Variants in RAB36 observed in about 807,000 individuals in gnomAD.
The protein encoded by RAB36 is RAB36, member RAS oncogene family.
Under a neutral mutation model 39.3 loss-of-function variants are expected in RAB36, and 33 were observed. The observed-to-expected ratio is 0.84, with a 90% CI of 0.64 to 1.12. The LOEUF (loss-of-function observed/expected upper bound fraction) is 1.12. Ranked by LOEUF, RAB36 falls within the 50% of genes most tolerant of loss-of-function variation. The pLI, the probability that RAB36 is intolerant of heterozygous loss-of-function variation, is 0.00. For synonymous variants in RAB36, 133 were observed against 140.2 expected (o/e 0.95, Z 0.36); for missense variants, 308 against 355.3 (o/e 0.87, Z 1.07).
At chr22:23,145,666 A>C in intron 1 of RAB36, 115 bp downstream of exon 1, 7 of 1,216,316 alleles carry the variant, frequency 5.8e-6, no homozygotes, top group Non-Finnish European at 7.8e-6. Context: ...CGCCCCTATA[A>C]CTTGAAAGCG....
Position 23,164,821 on chromosome 22 carries a change from C to T in RAB36, c.*3257C>T, listed in dbSNP as rs2146620935. Among the ~76,000 whole-genome samples the T allele has an allele frequency of 6.6e-6, 1 of 152,284 alleles. No individual in the cohort carries two copies. The highest frequency in any genetic ancestry group is 3.4e-3 in the Middle Eastern group (1 of 292). ...GACACGTACCTGAAGCAGGTCCTCTCCTGTCACTTCCTGGCTCCCCAGGGC... is the reference window on the plus strand; with the variant it reads ...GACACGTACCTGAAGCAGGTCCTCTTCTGTCACTTCCTGGCTCCCCAGGGC... On this transcript the variant is annotated 3_prime_UTR_variant, in exon 11 of 11. Transcript: ENST00000263116.
In RAB36 at chr22:23,164,355, A is replaced by G. The variant is rs11704318; in HGVS notation, c.*2791A>G. The G allele has an allele frequency of 3.2e-3, 481 of 152,312 alleles. 2 individuals are homozygous for G. The highest frequency in any genetic ancestry group is 6.9e-3 in the East Asian group (36 of 5,180). The allele number at this position is 152,312 out of a possible 1,614,324, so 9.4% of individuals were successfully genotyped here. On this transcript the variant is annotated 3_prime_UTR_variant, in exon 11 of 11. Coordinates refer to ENST00000263116, the MANE Select transcript of RAB36 (RefSeq NM_004914.5). ...AATCGTCCTCATATTACCTCCTGCAATGTGCCAGCTGATTCCCACACACCC... is the reference window on the plus strand; with the variant it reads ...AATCGTCCTCATATTACCTCCTGCAGTGTGCCAGCTGATTCCCACACACCC...
At chr22:23,165,962 T>C (rs377065632), downstream of RAB36, among the ~76,000 whole-genome samples, 87 of 152,044 alleles carry the variant, frequency 5.7e-4, no homozygotes, top group South Asian at 1.9e-3. Context: ...CTGGCTAACA[T>C]GGTGAAACCC....
At chr22:23,152,638 A>G in intron 4 of RAB36, 112 bp downstream of exon 4, 1 of 1,073,484 alleles carries the variant, frequency 9.3e-7, no homozygotes, top group Non-Finnish European at 1.4e-6. Context: ...GGCTTCCAGG[A>G]ACTGCTGTGC....
At position 23,150,152 on chromosome 22, in the gene RAB36, C is replaced by A. The variant is rs752563614; in HGVS notation, c.159C>A (p.Val53=). The A allele has an allele frequency of 3.9e-5, 63 of 1,609,450 alleles. No homozygotes were observed. The highest frequency in any genetic ancestry group is 5.3e-5 in the Non-Finnish European group (63 of 1,177,782). The change falls in exon 3 of 11, where the codon GTC becomes GTA. Residue 53 remains valine, a splice_region_variant and synonymous_variant. Transcript: ENST00000263116. The part of the protein sequence containing the change: ...AACQRRNTGT[V]GLKLSKVVVV... ...GCCAACGCAGGAACACGGGGACTGT[C>A]GGGTGAGCCTGCAGGGTGTGGGATG... is the stretch of plus-strand genomic sequence containing the variant.
rs933687409 is a variant in RAB36 at position 23,161,789 on chromosome 22, C to T, written c.*225C>T. 114 of 550,118 alleles carry T rather than the reference C, an allele frequency of 2.1e-4. No homozygotes were observed. The highest frequency in any genetic ancestry group is 1.3e-3 in the East Asian group (42 of 31,664). 34.1% of individuals were successfully genotyped at this position (550,118 alleles called of 1,614,324 possible). A position where few individuals can be genotyped will look rare whatever the true frequency, so the allele number is the denominator to read the frequency against. Reference sequence around the variant, plus strand: ...GGCCCCCACTGGCTGCCTGGGAGCCCCACACCACCGGGCCAGTGCAGGCAC... The same window carrying T: ...GGCCCCCACTGGCTGCCTGGGAGCCTCACACCACCGGGCCAGTGCAGGCAC... On this transcript the variant is annotated 3_prime_UTR_variant, in exon 11 of 11. Transcript: ENST00000263116.
intron 9 of RAB36, among the ~76,000 whole-genome samples, chr22:23,159,914 C>T (rs1423993036): frequency 6.6e-6 from 1 of 152,234 alleles, no homozygotes; most frequent in Non-Finnish European, 1.5e-5. Context: ...CATCCATCTC[C>T]CTTTTTTGTG....
chr22:23,159,690 C>T (rs987813697), intron 9 of RAB36, among the ~76,000 whole-genome samples: 2 of 152,226 alleles, frequency 1.3e-5, no homozygotes, highest in African/African-American at 4.8e-5. Flanking sequence ...CTGCCTCTGG[C>T]CCTGAAATGC....
Position 23,161,902 on chromosome 22 carries a change from T to C in RAB36, c.*338T>C. 1 of 323,630 alleles carries C rather than the reference T, an allele frequency of 3.1e-6. No homozygotes were observed. The highest frequency in any genetic ancestry group is 5.8e-6 in the Non-Finnish European group (1 of 171,090). The allele number at this position is 323,630 out of a possible 1,614,324, so 20.0% of individuals were successfully genotyped here. A position where few individuals can be genotyped will look rare whatever the true frequency, so the allele number is the denominator to read the frequency against. ...AAGAGGCCTCAGAACTGCAAACTCC[T>C]GCGTCGGTCTATACTACTCGGCCAT... is the stretch of plus-strand genomic sequence containing the variant. On this transcript the variant is annotated 3_prime_UTR_variant, in exon 11 of 11. Transcript: ENST00000263116.
intron 2 of RAB36, among the ~76,000 whole-genome samples, chr22:23,146,996 C>G (rs1421748721): frequency 6.6e-6 from 1 of 152,196 alleles, no homozygotes; most frequent in Non-Finnish European, 1.5e-5. Context: ...TACTCAACCT[C>G]TCAGAGCCAC....
intron 2 of RAB36, among the ~76,000 whole-genome samples, chr22:23,149,551 G>T (rs546009027): frequency 6.6e-6 from 1 of 152,186 alleles, no homozygotes; most frequent in African/African-American, 2.4e-5. Flanking sequence ...AGAAGGTATG[G>T]ATTAGAGACA....
At chr22:23,147,809 T>G (rs887456427) in intron 2 of RAB36, among the ~76,000 whole-genome samples, 4 of 152,296 alleles carry the variant, frequency 2.6e-5, no homozygotes, top group Non-Finnish European at 5.9e-5. Context: ...TGAGGAAGAA[T>G]GAGGCAACCT....
chr22:23,145,522 G>T lies in RAB36; in HGVS notation c.-42G>T. 1 of 1,604,090 alleles carries T rather than the reference G, an allele frequency of 6.2e-7. No homozygotes were observed. On this transcript the variant is annotated 5_prime_UTR_variant, in exon 1 of 11. Coordinates refer to ENST00000263116, the MANE Select transcript of RAB36 (RefSeq NM_004914.5). ...CGCTGGCTCAGGCGGACCAGGCCGCGCGGAGCCCCAGCTTTCACAGCCATC... is the reference window on the plus strand; with the variant it reads ...CGCTGGCTCAGGCGGACCAGGCCGCTCGGAGCCCCAGCTTTCACAGCCATC...
chr22:23,159,829 C>T (rs1343476114), intron 9 of RAB36, among the ~76,000 whole-genome samples: 2 of 152,248 alleles, frequency 1.3e-5, no homozygotes, highest in Non-Finnish European at 2.9e-5. Context: ...TACCCCTGGC[C>T]ATACTGGGTC....
In RAB36 at chr22:23,153,033, G is replaced by T; in HGVS notation, c.228G>T (p.Arg76Ser). 1.2e-6 allele frequency: 2 copies of T among 1,613,292 alleles called. No homozygotes were observed. The highest frequency in any genetic ancestry group is 1.3e-5 in the African/African-American group (1 of 75,012). Residue 76 changes from arginine (R) to serine (S), a missense_variant and splice_region_variant, in exon 5 of 11, where the codon AGG becomes AGT. Physicochemically the swap from Arg to Ser is moderately radical, Grantham distance 110 (BLOSUM62 -1). Coordinates refer to ENST00000263116, the MANE Select transcript of RAB36 (RefSeq NM_004914.5). Reference sequence around the variant, plus strand: ...GTGACGACTTCCTCATCCCCCACAGGTTTTGCAAGAATGTTTTTGATCGAG... The same window carrying T: ...GTGACGACTTCCTCATCCCCCACAGTTTTTGCAAGAATGTTTTTGATCGAG... ...LYVGKTSLIH[R>S]FCKNVFDRDY...
intron 9 of RAB36, among the ~76,000 whole-genome samples, chr22:23,160,301 G>A (rs982245431): frequency 6.6e-6 from 1 of 152,162 alleles, no homozygotes; most frequent in Admixed American, 6.6e-5. Context: ...TTCACCGACA[G>A]CTCACTATGG....
chr22:23,168,768 G>A (rs2072092083), downstream of RAB36, among the ~76,000 whole-genome samples: 1 of 152,310 alleles, frequency 6.6e-6, no homozygotes, highest in South Asian at 2.1e-4. Flanking sequence ...CTGGGCCCCA[G>A]GAAGGTGAGG....
downstream of RAB36, among the ~76,000 whole-genome samples, chr22:23,166,147 TAAAAAAAAAAAA>T (rs695297): frequency 1.6e-3 from 95 of 59,892 alleles, 1 homozygote; most frequent in East Asian, 0.039. Flanking sequence ...CTCTGTCTTT[TAAAAAAAAAAAA>T]AAAAAAAAAA....
intron 5 of RAB36, among the ~76,000 whole-genome samples, chr22:23,155,382 A>G (rs943297178): frequency 1.3e-5 from 2 of 152,140 alleles, no homozygotes; most frequent in African/African-American, 2.4e-5. Context: ...ACTCTTTTCC[A>G]TGGAGCCAGG....
Sources: gnomAD v4.1 joint callset for allele counts (sites outside exome capture counted in the v4.1 genomes callset) on GRCh38, gnomAD v4.1.1 for gene constraint, MANE v1.5 for transcripts, NCBI Gene and HGNC (gene_info 2026-07-23, HGNC 2026-07-21) for gene names.